Variants in CORIN observed in about 807,000 individuals in gnomAD.
The protein encoded by CORIN is corin, serine peptidase, also known as atrial natriuretic peptide-converting enzyme.
Under a neutral mutation model 125.3 loss-of-function variants are expected in CORIN, and 117 were observed. The observed-to-expected ratio is 0.93, with a 90% confidence interval of 0.80 to 1.09. The LOEUF (loss-of-function observed/expected upper bound fraction) is 1.09, where lower values mean the gene tolerates loss of function less well. CORIN is among the 50% of genes least tolerant of loss of function. CORIN has a pLI of 0.00. For synonymous variants in CORIN, 450 were observed against 466.4 expected, an observed-to-expected ratio of 0.96 and a Z score of 0.45; for missense variants, 1,253 against 1,306.7, an observed-to-expected ratio of 0.96 and a Z score of 0.63.
At chr4:47,617,370 G>A (rs867575057) in intron 19 of CORIN, among the ~76,000 whole-genome samples, 2 of 152,342 alleles carry the variant, frequency 1.3e-5, no homozygotes, top group South Asian at 2.1e-4. Context: ...ACACAGGCAA[G>A]TAACCACAAC....
chr4:47,774,042 A>G (rs1339166175), intron 3 of CORIN, among the ~76,000 whole-genome samples: 1 of 151,928 alleles, frequency 6.6e-6, no homozygotes, highest in Non-Finnish European at 1.5e-5. Flanking sequence ...GGCATTTTCT[A>G]TTTTCTCTAG....
chr4:47,628,172 T>G (rs1170801515), intron 16 of CORIN, among the ~76,000 whole-genome samples: 1 of 152,146 alleles, frequency 6.6e-6, no homozygotes, highest in Non-Finnish European at 1.5e-5. Flanking sequence ...TGCACAAACA[T>G]AAACTTTCAG....
chr4:47,672,641 T>C lies in CORIN; in HGVS notation c.1357+1752A>G, dbSNP rs553822951. Reference sequence around the variant, plus strand: ...ATACGTGTGTGTGTGTGTGTATATATATACACACATATATACACATATATA... The same window carrying C: ...ATACGTGTGTGTGTGTGTGTATATACATACACACATATATACACATATATA... On this transcript the variant is annotated intron_variant, in intron 10 of 21. Transcript: ENST00000273857. 5.9e-5 allele frequency among the ~76,000 whole-genome samples: 9 copies of C among 152,216 alleles called. No individual in the cohort carries two copies. The South Asian group carries it at 1.7e-3, about 28-fold the overall frequency.
Position 47,665,244 on chromosome 4 carries a change from T to TGCAGA in CORIN, c.1376_1377insTCTGC (p.Glu461HisfsTer6), listed in dbSNP as rs755913986. ...AGGGCAAATTCATGCAGAGTTCCAATGTAATTGGTTCACATTGACCTAACA... is the reference window on the plus strand; with the variant it reads ...AGGGCAAATTCATGCAGAGTTCCAATGCAGAGTAATTGGTTCACATTGACCTAACA... On this transcript the variant is annotated frameshift_variant, in exon 11 of 22. Transcript: ENST00000273857. LOFTEE classifies it high-confidence loss of function. 149 of 1,613,394 alleles carry TGCAGA rather than the reference T, an allele frequency of 9.2e-5. No individual in the cohort carries two copies. In the African/African-American group the frequency reaches 1.8e-3, roughly 20 times the overall value.
rs564704370 is a variant in CORIN at position 47,677,980 on chromosome 4, C to T, written c.1207G>A (p.Glu403Lys). 51 of 1,614,032 alleles carry T rather than the reference C, an allele frequency of 3.2e-5. No individual in the cohort carries two copies. The highest frequency in any genetic ancestry group is 5.0e-5 in the Admixed American group (3 of 60,018). Residue 403 changes from glutamate (E) to lysine (K), a missense_variant, in exon 9 of 22, where the codon GAG (glutamate) becomes AAG (lysine). Transcript: ENST00000273857. ...IPSTFQCDGD[E>K]DCKDGSDEEN... is the part of the protein sequence containing the mutation. ...TCATCACTCCCATCCTTGCAGTCCT[C>T]GTCACCATCACATTGAAACGTGCTG...
Position 47,641,926 on chromosome 4 carries a change from C to T in CORIN, c.2192G>A (p.Gly731Asp), listed in dbSNP as rs138303275. 334 of 1,612,994 alleles carry T rather than the reference C, an allele frequency of 2.1e-4. No individual in the cohort carries two copies. Among genetic ancestry groups the T allele is most frequent in the Non-Finnish European group, 2.7e-4 (318 of 1,179,358 alleles). The change falls in exon 16 of 22, where the codon GGT becomes GAT. Residue 731 changes from glycine to aspartate, a missense_variant. Gly to Asp is a moderately conservative substitution (Grantham distance 94, BLOSUM62 -1). Coordinates refer to ENST00000273857, the MANE Select transcript of CORIN (RefSeq NM_006587.4). ...TACAAACTACTGACCTTACCCTAAA[C>T]CCATCTGCTTGCAGGCCAGCTGACT... Reference protein sequence around the residue: ...ILSQLACKQMGLGEPSVTKLI... With the variant: ...ILSQLACKQMDLGEPSVTKLI...
chr4:47,794,132 G>T (rs1731193439), intron 2 of CORIN, among the ~76,000 whole-genome samples: 1 of 152,138 alleles, frequency 6.6e-6, no homozygotes, highest in African/African-American at 2.4e-5. Flanking sequence ...AGATCATAGA[G>T]AATCTTAAAT....
chr4:47,649,807 G>A (rs570870678), intron 13 of CORIN, among the ~76,000 whole-genome samples: 1 of 152,218 alleles, frequency 6.6e-6, no homozygotes, highest in Non-Finnish European at 1.5e-5. Context: ...ACTGAGTGAT[G>A]AGAAATCAAT....
In CORIN at chr4:47,653,626, T is replaced by A; in HGVS notation, c.1770A>T (p.Gly590=). ...CSPSHFKCRS[G]QCVLASRRCD... ...ATCTTCTGGAAGCCAGAACACACTG[T>A]CCTGAGCGGCACTTGAAATGACTAG... Residue 590 remains glycine, a synonymous_variant, in exon 13 of 22, where the codon GGA becomes GGT. Transcript: ENST00000273857. 1.9e-6 allele frequency: 3 copies of A among 1,614,124 alleles called. No individual in the cohort carries two copies. The highest frequency in any genetic ancestry group is 2.5e-6 in the Non-Finnish European group (3 of 1,179,974).
intron 6 of CORIN, among the ~76,000 whole-genome samples, chr4:47,691,439 C>A (rs544796400): frequency 1.3e-5 from 2 of 152,112 alleles, no homozygotes; most frequent in African/African-American, 4.8e-5. Flanking sequence ...GTGTGCCATG[C>A]GTTGTTTTGA....
chr4:47,651,298 A>G (rs61760474), intron 13 of CORIN, among the ~76,000 whole-genome samples: 1 of 152,262 alleles, frequency 6.6e-6, no homozygotes, highest in East Asian at 1.9e-4. Flanking sequence ...ATAAGTCAGA[A>G]AGGCAAGAAG....
chr4:47,669,282 AGT>A (rs1724630060), intron 10 of CORIN, among the ~76,000 whole-genome samples: 1 of 152,230 alleles, frequency 6.6e-6, no homozygotes, highest in Non-Finnish European at 1.5e-5. Flanking sequence ...GATACTCTGA[AGT>A]TACTAGAAAT....
intron 10 of CORIN, 25 bp downstream of exon 10, chr4:47,674,368 T>A: frequency 6.8e-7 from 1 of 1,467,064 alleles, no homozygotes. Flanking sequence ...ACATGGCTAT[T>A]GCATTTGTCA....
intron 9 of CORIN, among the ~76,000 whole-genome samples, chr4:47,677,693 A>G (rs1176936367): frequency 6.6e-6 from 1 of 152,194 alleles, no homozygotes; most frequent in Non-Finnish European, 1.5e-5. Context: ...CGAACAGTTA[A>G]GTGAATCTGA....
At chr4:47,823,510 G>A (rs1325070499) in intron 1 of CORIN, among the ~76,000 whole-genome samples, 1 of 152,114 alleles carries the variant, frequency 6.6e-6, no homozygotes, top group East Asian at 1.9e-4. Context: ...GAGCTATATG[G>A]AAAAATGTAT....
chr4:47,837,856 C>T (rs182645363), intron 1 of CORIN, 31 bp downstream of exon 1: 230 of 1,596,916 alleles, frequency 1.4e-4, no homozygotes, highest in Non-Finnish European at 1.8e-4. Context: ...TCACACCTGG[C>T]TGCGGTAGGA....
At chr4:47,688,179 C>T (rs1036705406) in intron 6 of CORIN, among the ~76,000 whole-genome samples, 4 of 152,180 alleles carry the variant, frequency 2.6e-5, no homozygotes, top group African/African-American at 7.2e-5. Context: ...CAGCTGTCTA[C>T]GCAATCCAGC....
chr4:47,600,131 G>A (rs1278995383), intron 21 of CORIN, 83 bp downstream of exon 21: 8 of 1,209,182 alleles, frequency 6.6e-6, no homozygotes, highest in Non-Finnish European at 8.0e-6. Context: ...GTTTCCAAAG[G>A]GCCATACGTA....
intron 2 of CORIN, among the ~76,000 whole-genome samples, chr4:47,789,947 G>A (rs192363389): frequency 0.011 from 1,616 of 152,220 alleles, 40 homozygotes; most frequent in African/African-American, 0.036. Context: ...GCATGAACCC[G>A]GGAGGTGGAG....
Sources: gnomAD v4.1 joint callset for allele counts (sites outside exome capture counted in the v4.1 genomes callset) on GRCh38, gnomAD v4.1.1 for gene constraint, MANE v1.5 for transcripts, NCBI Gene and HGNC (gene_info 2026-07-23, HGNC 2026-07-21) for gene names.